Variants in CPA6 observed in about 807,000 individuals in gnomAD.
The protein encoded by CPA6 is carboxypeptidase A6.
A neutral mutation model predicts 63.3 loss-of-function variants in CPA6; 58 were observed. The ratio of observed to expected loss-of-function variants is 0.92; its 90% confidence interval spans 0.74 to 1.14. CPA6 has a LOEUF of 1.14. Among genes scored for constraint, CPA6 ranks in the 50% most tolerant of loss-of-function variants. CPA6 has a pLI of 0.00. For missense variants in CPA6, 565 were observed against 526.6 expected, an observed-to-expected ratio of 1.07 and a Z score of -0.71; for synonymous variants, 185 against 179.0, an observed-to-expected ratio of 1.03 and a Z score of -0.27.
intron 2 of CPA6, among the ~76,000 whole-genome samples, chr8:67,601,778 G>A (rs1366228617): frequency 1.3e-5 from 2 of 152,038 alleles, no homozygotes; most frequent in Non-Finnish European, 2.9e-5. Context: ...ATTTCTGGTG[G>A]GAGTGTGAAC....
chr8:67,525,624 CA>C (rs11294830), intron 2 of CPA6, among the ~76,000 whole-genome samples: 4,076 of 152,190 alleles, frequency 0.027, 184 homozygotes, highest in African/African-American at 0.091. Context: ...TCTCATTTAT[CA>C]AAACAAAGCG....
At chr8:67,519,353 T>C (rs78376596) in intron 2 of CPA6, among the ~76,000 whole-genome samples, 1 of 152,334 alleles carries the variant, frequency 6.6e-6, no homozygotes, top group East Asian at 1.9e-4. Context: ...TACCTCTGAC[T>C]GCTCTGGGCC....
chr8:67,551,217 G>A (rs1314887644), intron 2 of CPA6, among the ~76,000 whole-genome samples: 1 of 151,094 alleles, frequency 6.6e-6, no homozygotes, highest in African/African-American at 2.5e-5. Context: ...TATGGTGAAA[G>A]GTAGGGGTCC....
chr8:67,530,266 AATC>A (rs1168053601), intron 2 of CPA6, among the ~76,000 whole-genome samples: 1 of 152,098 alleles, frequency 6.6e-6, no homozygotes, highest in Non-Finnish European at 1.5e-5. Flanking sequence ...AAATTAAAAA[AATC>A]ATACAGATAG....
At chr8:67,435,576 G>A (rs1224458992) in intron 8 of CPA6, among the ~76,000 whole-genome samples, 14 of 152,072 alleles carry the variant, frequency 9.2e-5, no homozygotes, top group African/African-American at 2.4e-4. Flanking sequence ...TAGGAGTGCC[G>A]AGGGTGGGGA....
chr8:67,691,407 G>A (rs1816811721), intron 1 of CPA6, among the ~76,000 whole-genome samples: 2 of 152,164 alleles, frequency 1.3e-5, no homozygotes, highest in Non-Finnish European at 2.9e-5. Context: ...AGTGATTTAT[G>A]TATCTTTCAG....
At chr8:67,540,787 A>G (rs1812688066) in intron 2 of CPA6, among the ~76,000 whole-genome samples, 1 of 152,170 alleles carries the variant, frequency 6.6e-6, no homozygotes, top group African/African-American at 2.4e-5. Flanking sequence ...ACTTCCTGGC[A>G]GCTTTGTTTA....
intron 2 of CPA6, among the ~76,000 whole-genome samples, chr8:67,568,389 A>T (rs1415312658): frequency 6.6e-6 from 1 of 152,232 alleles, no homozygotes; most frequent in Non-Finnish European, 1.5e-5. Context: ...AGTAAACTTC[A>T]AGAATATACA....
intron 1 of CPA6, among the ~76,000 whole-genome samples, chr8:67,743,993 T>C (rs1216690184): frequency 1.3e-5 from 2 of 152,236 alleles, no homozygotes; most frequent in Non-Finnish European, 2.9e-5. Context: ...AACTGCTAAA[T>C]ACTCTTCTAC....
At chr8:67,589,990 T>C (rs1250378152) in intron 2 of CPA6, among the ~76,000 whole-genome samples, 1 of 151,890 alleles carries the variant, frequency 6.6e-6, no homozygotes, top group African/African-American at 2.4e-5. Flanking sequence ...CTGCACCCAT[T>C]AACTCATCAT....
chr8:67,659,365 T>C (rs1384333483), intron 1 of CPA6, among the ~76,000 whole-genome samples: 5 of 152,242 alleles, frequency 3.3e-5, no homozygotes, highest in South Asian at 2.1e-4. Flanking sequence ...AAGGCAATGC[T>C]ATATATGCGT....
At chr8:67,537,821 T>C (rs1812618062) in intron 2 of CPA6, among the ~76,000 whole-genome samples, 2 of 152,222 alleles carry the variant, frequency 1.3e-5, no homozygotes, top group Admixed American at 1.3e-4. Flanking sequence ...CTTATGGACA[T>C]TAGTGTTATA....
At chr8:67,545,842 C>T (rs560889078) in intron 2 of CPA6, among the ~76,000 whole-genome samples, 2 of 152,214 alleles carry the variant, frequency 1.3e-5, no homozygotes, top group African/African-American at 2.4e-5. Flanking sequence ...GGATTACAGG[C>T]GTGAACTACC....
chr8:67,460,206 C>T (rs1473747562), intron 8 of CPA6, among the ~76,000 whole-genome samples: 1 of 152,192 alleles, frequency 6.6e-6, no homozygotes, highest in African/African-American at 2.4e-5. Flanking sequence ...TTCGTACTGG[C>T]CCAGCATTGT....
chr8:67,594,371 C>T (rs1459012091), intron 2 of CPA6, among the ~76,000 whole-genome samples: 1 of 152,012 alleles, frequency 6.6e-6, no homozygotes, highest in African/African-American at 2.4e-5. Context: ...CTTGGAGTTG[C>T]TCTTCTCGAG....
chr8:67,432,748 G>A (rs991146124), intron 9 of CPA6, among the ~76,000 whole-genome samples: 7 of 152,194 alleles, frequency 4.6e-5, no homozygotes, highest in Non-Finnish European at 1.0e-4. Context: ...ATAGGAGCGA[G>A]CCACTGTATC....
At chr8:67,593,950 C>T (rs959146312) in intron 2 of CPA6, among the ~76,000 whole-genome samples, 4 of 148,684 alleles carry the variant, frequency 2.7e-5, no homozygotes, top group Admixed American at 6.8e-5. Flanking sequence ...TTATTTTGCT[C>T]GTTAGTTAAT....
rs1262827967 is a variant in CPA6 at position 67,594,397 on chromosome 8, G to A, written c.192+29779C>T. Among the ~76,000 whole-genome samples, 22 of 152,128 alleles carry A rather than the reference G, an allele frequency of 1.4e-4. 1 individual carries two copies. The South Asian group carries it at 3.3e-3, about 23-fold the overall frequency. ...TCTTCTCGAGGAGTATCTTTGCGGC[G>A]TTCTCTGTATTTCCTGAATCTGAAT... is the stretch of plus-strand genomic sequence containing the variant. On this transcript the variant is annotated intron_variant, in intron 2 of 10. Coordinates refer to ENST00000297770, the MANE Select transcript of CPA6 (RefSeq NM_020361.5).
intron 8 of CPA6, among the ~76,000 whole-genome samples, chr8:67,459,500 A>G (rs972980705): frequency 6.6e-6 from 1 of 152,248 alleles, no homozygotes; most frequent in Non-Finnish European, 1.5e-5. Context: ...TTACTAAGTG[A>G]AAGAAGCCAA....
Sources: allele counts gnomAD v4.1 joint callset (sites outside exome capture counted in the v4.1 genomes callset), GRCh38; gene constraint gnomAD v4.1.1; transcripts MANE v1.5; gene names NCBI Gene and HGNC (gene_info 2026-07-23, HGNC 2026-07-21).